Variants in ANXA10 observed in about 807,000 individuals in gnomAD.
ANXA10 encodes annexin 14.
In ANXA10, 49 loss-of-function variants were observed where a neutral mutation model predicts 53.5. That is an observed-to-expected ratio of 0.92 (90% confidence interval 0.73 to 1.16). The LOEUF (loss-of-function observed/expected upper bound fraction) is 1.16. Ranked by LOEUF, ANXA10 falls within the 50% of genes most tolerant of loss-of-function variation. The probability of loss-of-function intolerance (pLI) is 0.00; values close to 1 mark genes in which losing one functional copy is unlikely to be tolerated. For missense variants in ANXA10, 393 were observed against 394.4 expected (o/e 1.00, Z 0.03); for synonymous variants, 131 against 128.9 (o/e 1.02, Z -0.11).
chr4:168,105,595 T>C (rs1730707741), intron 1 of ANXA10, among the ~76,000 whole-genome samples: 1 of 152,146 alleles, frequency 6.6e-6, no homozygotes, highest in Non-Finnish European at 1.5e-5. Context: ...CATTTGTCTT[T>C]ATGGTAAAAT....
chr4:168,148,916 A>G (rs1731449535), intron 3 of ANXA10, among the ~76,000 whole-genome samples: 2 of 152,076 alleles, frequency 1.3e-5, no homozygotes, highest in South Asian at 4.1e-4. Flanking sequence ...TTCTGGGTGG[A>G]ACTCTAGTTA....
At chr4:168,117,027 C>T (rs1042165107) in intron 1 of ANXA10, among the ~76,000 whole-genome samples, 8 of 76,952 alleles carry the variant, frequency 1.0e-4, no homozygotes, top group African/African-American at 1.8e-4. Flanking sequence ...GTGTTATTAA[C>T]AGCTTTATTA....
intron 6 of ANXA10, among the ~76,000 whole-genome samples, chr4:168,176,420 G>T (rs543044223): frequency 1.3e-5 from 2 of 152,220 alleles, no homozygotes; most frequent in East Asian, 1.9e-4. Flanking sequence ...TCCCCCAAAG[G>T]TCTAGCTGTG....
Position 168,164,287 on chromosome 4 carries a change from G to A in ANXA10, c.399G>A (p.Leu133=), listed in dbSNP as rs376038129. The change falls in exon 5 of 12, where the codon TTG becomes TTA. Residue 133 remains leucine (L), a splice_region_variant and synonymous_variant. Transcript: ENST00000359299. ...EIFQMREAYC[L]QYSNNLQEDI... ...TCCAGATGCGAGAAGCCTACTGCTT[G>A]CGTAAGGAAATATACATATGTGAAT... is the stretch of plus-strand genomic sequence containing the variant. 2.8e-5 allele frequency: 45 copies of A among 1,602,990 alleles called. No individual in the cohort carries two copies. The highest frequency in any genetic ancestry group is 3.8e-5 in the Non-Finnish European group (45 of 1,170,446).
intron 1 of ANXA10, among the ~76,000 whole-genome samples, chr4:168,123,352 C>A (rs1223974564): frequency 6.6e-6 from 1 of 152,016 alleles, no homozygotes; most frequent in Non-Finnish European, 1.5e-5. Flanking sequence ...TTGAATAGAA[C>A]TGAGCTCAGT....
At chr4:168,109,092 T>C (rs1730760869) in intron 1 of ANXA10, among the ~76,000 whole-genome samples, 1 of 152,214 alleles carries the variant, frequency 6.6e-6, no homozygotes, top group Non-Finnish European at 1.5e-5. Flanking sequence ...GAAAACTGAA[T>C]TATAAAGGGA....
chr4:168,164,186 TC>T lies in ANXA10; in HGVS notation c.310-10del. The T allele has an allele frequency of 6.4e-7, 1 of 1,571,022 alleles. No homozygotes were observed. The highest frequency in any genetic ancestry group is 8.7e-7 in the Non-Finnish European group (1 of 1,142,872). ...AATATCCTTACATTTATCTCTTTTT[TC>T]CTTTCTCTAGGGAGTAGGCACTGAT... On this transcript the variant is annotated splice_polypyrimidine_tract_variant and intron_variant, in intron 4 of 11. Coordinates refer to ENST00000359299, the MANE Select transcript of ANXA10 (RefSeq NM_007193.5).
intron 1 of ANXA10, among the ~76,000 whole-genome samples, chr4:168,097,388 A>G (rs1241121496): frequency 1.3e-5 from 2 of 151,992 alleles, no homozygotes; most frequent in Admixed American, 1.3e-4. Flanking sequence ...TCCAGGGCCA[A>G]ATTCTTGAAA....
chr4:168,165,429 T>C, intron 6 of ANXA10, 103 bp downstream of exon 6: 1 of 526,162 alleles, frequency 1.9e-6, no homozygotes, highest in Non-Finnish European at 3.2e-6. Context: ...CTCCAGTATA[T>C]TACAGTTCAA....
chr4:168,173,723 A>T (rs1732062631), intron 6 of ANXA10, among the ~76,000 whole-genome samples: 1 of 152,172 alleles, frequency 6.6e-6, no homozygotes, highest in Non-Finnish European at 1.5e-5. Context: ...AAACCCATCT[A>T]CAAGTCTCAG....
chr4:168,124,260 G>C (rs919483503), intron 1 of ANXA10, among the ~76,000 whole-genome samples: 1 of 152,076 alleles, frequency 6.6e-6, no homozygotes, highest in Non-Finnish European at 1.5e-5. Context: ...TTGTATAGAC[G>C]GTCGCCATGA....
At chr4:168,130,275 T>C (rs1164741104) in intron 2 of ANXA10, among the ~76,000 whole-genome samples, 1 of 152,128 alleles carries the variant, frequency 6.6e-6, no homozygotes, top group Non-Finnish European at 1.5e-5. Flanking sequence ...ATGACATAAC[T>C]GATTTTTAAA....
At chr4:168,155,848 A>ATG (rs1370401176) in intron 3 of ANXA10, among the ~76,000 whole-genome samples, 481 of 11,230 alleles carry the variant, frequency 0.043, 55 homozygotes, top group African/African-American at 0.12. Flanking sequence ...TATATAATAT[A>ATG]ATATATCATA....
At chr4:168,118,925 C>G (rs1188605272) in intron 1 of ANXA10, among the ~76,000 whole-genome samples, 1 of 151,976 alleles carries the variant, frequency 6.6e-6, no homozygotes, top group Non-Finnish European at 1.5e-5. Context: ...ATCTGGCTAA[C>G]AGAGAACAAT....
chr4:168,149,352 T>C (rs1731458989), intron 3 of ANXA10, among the ~76,000 whole-genome samples: 1 of 152,228 alleles, frequency 6.6e-6, no homozygotes, highest in Non-Finnish European at 1.5e-5. Context: ...TTTTTGTCAC[T>C]TTAAAATGTA....
chr4:168,165,514 C>T (rs1253419324), intron 6 of ANXA10, among the ~76,000 whole-genome samples, 188 bp downstream of exon 6: 1 of 151,152 alleles, frequency 6.6e-6, no homozygotes, highest in Non-Finnish European at 1.5e-5. Flanking sequence ...TTGTTAAAGA[C>T]AAATATGGAT....
chr4:168,136,659 A>C (rs1294655302), intron 2 of ANXA10, among the ~76,000 whole-genome samples: 1 of 152,240 alleles, frequency 6.6e-6, no homozygotes, highest in Non-Finnish European at 1.5e-5. Context: ...TGCAGAGCTC[A>C]GTCCCCACGG....
chr4:168,134,894 A>C (rs1731212631), intron 2 of ANXA10, among the ~76,000 whole-genome samples: 1 of 152,194 alleles, frequency 6.6e-6, no homozygotes, highest in Non-Finnish European at 1.5e-5. Context: ...TTTGCTGGAT[A>C]TTTCAGCACC....
rs542676537 is a variant in ANXA10, at chr4:168,108,051, G to A, written c.18+15333G>A. Among the ~76,000 whole-genome samples, 38 of 152,210 alleles carry A rather than the reference G, an allele frequency of 2.5e-4. 1 individual carries two copies. Among genetic ancestry groups the A allele is most frequent in the Middle Eastern group, 3.4e-3 (1 of 292 alleles). On this transcript the variant is annotated intron_variant, in intron 1 of 11. Coordinates refer to ENST00000359299, the MANE Select transcript of ANXA10 (RefSeq NM_007193.5). ...TCATTCCCCTTTTTAGACCATATAG[G>A]GTAACTTCTTGATGTTGCCATGGCA...
Sources: gnomAD v4.1 joint callset for allele counts (sites outside exome capture counted in the v4.1 genomes callset) on GRCh38, gnomAD v4.1.1 for gene constraint, MANE v1.5 for transcripts, NCBI Gene and HGNC (gene_info 2026-07-23, HGNC 2026-07-21) for gene names.